Variants in STX2 observed in about 807,000 individuals in gnomAD.
The protein encoded by STX2 is syntaxin-2.
STX2 carries 27 observed loss-of-function variants against 40.6 expected under a neutral mutation model. That is an observed-to-expected ratio of 0.66 (90% CI 0.49 to 0.92). The LOEUF (loss-of-function observed/expected upper bound fraction) is 0.92. STX2 is among the 40% of genes least tolerant of loss of function. The pLI is 0.00. For synonymous variants in STX2, 123 were observed against 119.1 expected (o/e 1.03, Z -0.22); for missense variants, 328 against 366.1 (o/e 0.90, Z 0.85).
At chr12:130,797,215 G>A (rs1017430004) in intron 9 of STX2, among the ~76,000 whole-genome samples, 3 of 152,156 alleles carry the variant, frequency 2.0e-5, no homozygotes, top group Non-Finnish European at 2.9e-5. Flanking sequence ...TAAAACCAAC[G>A]AACTTTCACT....
At chr12:130,837,678 T>C (rs763005803) in intron 1 of STX2, among the ~76,000 whole-genome samples, 2 of 152,188 alleles carry the variant, frequency 1.3e-5, no homozygotes, top group East Asian at 3.8e-4. Context: ...GCCCCCACCC[T>C]GATCTCCCAG....
At chr12:130,812,727 G>A in intron 4 of STX2, 1 of 397,680 alleles carries the variant, frequency 2.5e-6, no homozygotes, top group Non-Finnish European at 4.5e-6. Flanking sequence ...CCAAACATCT[G>A]CAACTTAGCC....
At chr12:130,821,914 CAT>C in intron 2 of STX2, 126 bp from the exon 3 acceptor site, 1 of 595,144 alleles carries the variant, frequency 1.7e-6, no homozygotes, top group Non-Finnish European at 2.9e-6. Context: ...AAGCCTCTCC[CAT>C]TCTCACACTG....
intron 10 of STX2, among the ~76,000 whole-genome samples, 153 bp from the exon 11 acceptor site, chr12:130,792,130 G>T (rs1017234666): frequency 6.6e-6 from 1 of 152,122 alleles, no homozygotes; most frequent in African/African-American, 2.4e-5. Context: ...ATGTGATCTT[G>T]GCTCACAGCA....
At chr12:130,821,893 A>G in intron 2 of STX2, 105 bp from the exon 3 acceptor site, 1 of 657,590 alleles carries the variant, frequency 1.5e-6, no homozygotes, top group Non-Finnish European at 2.6e-6. Flanking sequence ...TAATTACCAC[A>G]TAAGAAATAA....
chr12:130,811,804 T>G (rs940542715), intron 4 of STX2, among the ~76,000 whole-genome samples: 1 of 152,108 alleles, frequency 6.6e-6, no homozygotes, highest in Admixed American at 6.5e-5. Context: ...CCTCCCAAAG[T>G]GCTGGGATTA....
chr12:130,792,233 G>T (rs1044057767), intron 10 of STX2, among the ~76,000 whole-genome samples: 7 of 151,950 alleles, frequency 4.6e-5, no homozygotes, highest in Admixed American at 3.9e-4. Flanking sequence ...GCTAATTTTT[G>T]TATTTTTAGT....
At chr12:130,826,779 T>C (rs1952327640) in intron 2 of STX2, among the ~76,000 whole-genome samples, 1 of 151,570 alleles carries the variant, frequency 6.6e-6, no homozygotes, top group East Asian at 2.0e-4. Flanking sequence ...GGCGGGCGGA[T>C]TGCCTGAGCT....
Position 130,835,045 on chromosome 12 carries a change from T to G in STX2, c.30+4025A>C, listed in dbSNP as rs562637611. On this transcript the variant is annotated intron_variant, in intron 1 of 10. Transcript: ENST00000392373. ...GGCTCACGCCTGAAATCCCAGCACT[T>G]TGGGAGCCTAAGGTGGGCAGATTGC... Among the ~76,000 whole-genome samples, 4 of 152,314 alleles carry G rather than the reference T, an allele frequency of 2.6e-5. No homozygotes were observed. In the South Asian group the frequency reaches 8.3e-4, roughly 32 times the overall value.
intron 3 of STX2, among the ~76,000 whole-genome samples, chr12:130,819,587 T>C (rs1340010646): frequency 6.6e-6 from 1 of 152,202 alleles, no homozygotes; most frequent in Non-Finnish European, 1.5e-5. Flanking sequence ...AATAGTTCTC[T>C]CTGCTATGAC....
At chr12:130,795,286 T>A (rs979502460) in intron 10 of STX2, among the ~76,000 whole-genome samples, 9 of 152,196 alleles carry the variant, frequency 5.9e-5, no homozygotes, top group African/African-American at 2.2e-4. Flanking sequence ...CATAGTAAAA[T>A]GATGCGTTAG....
In STX2 at chr12:130,797,538, G is replaced by C. The variant is rs1396545405; in HGVS notation, c.786+987C>G. On this transcript the variant is annotated intron_variant, in intron 9 of 10. Coordinates refer to ENST00000392373, the MANE Select transcript of STX2 (RefSeq NM_194356.4). ...CCCTGGCGGCTGAGCCTGCAGCCCG[G>C]GGGTGCGTCTCAGGGCCATCGCCTG... 2.0e-5 allele frequency among the ~76,000 whole-genome samples: 3 copies of C among 152,278 alleles called. No homozygotes were observed. The East Asian group carries it at 5.8e-4, about 29-fold the overall frequency.
intron 1 of STX2, among the ~76,000 whole-genome samples, chr12:130,833,160 G>GTGAA (rs1028688858): frequency 1.3e-5 from 2 of 152,152 alleles, no homozygotes; most frequent in Non-Finnish European, 2.9e-5. Flanking sequence ...CAACAAACGA[G>GTGAA]TGAATGAATG....
At chr12:130,806,891 G>T in intron 6 of STX2, 91 bp downstream of exon 6, 1 of 1,212,418 alleles carries the variant, frequency 8.2e-7, no homozygotes. Context: ...AAATAGACAT[G>T]GATTTCCTTT....
chr12:130,797,723 T>C (rs1009491644), intron 9 of STX2, among the ~76,000 whole-genome samples: 2 of 152,242 alleles, frequency 1.3e-5, no homozygotes, highest in South Asian at 2.1e-4. Flanking sequence ...AGAGTAAGTT[T>C]TAAATTTTTG....
At chr12:130,832,634 C>T (rs7307492) in intron 1 of STX2, among the ~76,000 whole-genome samples, 135,592 of 152,208 alleles carry the variant, frequency 0.89, 60,550 homozygotes, top group East Asian at 1. Context: ...ATGATGAAGC[C>T]TAGAGAGCGT....
chr12:130,828,935 C>T (rs1262542393), intron 1 of STX2, among the ~76,000 whole-genome samples: 1 of 151,172 alleles, frequency 6.6e-6, no homozygotes, highest in African/African-American at 2.4e-5. Flanking sequence ...CAGAAACTAA[C>T]ATTAAGATAG....
intron 4 of STX2, among the ~76,000 whole-genome samples, chr12:130,811,845 T>C (rs4759790): frequency 6.6e-6 from 1 of 151,860 alleles, no homozygotes; most frequent in Non-Finnish European, 1.5e-5. Context: ...AGGCCACCAT[T>C]AACATCTTAA....
At chr12:130,834,386 G>C (rs976840537) in intron 1 of STX2, among the ~76,000 whole-genome samples, 7 of 149,704 alleles carry the variant, frequency 4.7e-5, no homozygotes, top group Non-Finnish European at 7.4e-5. Flanking sequence ...AAGGTACAAG[G>C]CAAGAGAGAA....
Sources: allele counts gnomAD v4.1 joint callset (sites outside exome capture counted in the v4.1 genomes callset), GRCh38; gene constraint gnomAD v4.1.1; transcripts MANE v1.5; gene names NCBI Gene and HGNC (gene_info 2026-07-23, HGNC 2026-07-21).